FOXP1: variants seen among roughly 807,000 people sequenced by gnomAD.
FOXP1 encodes forkhead box P1.
A neutral mutation model predicts 98.2 loss-of-function variants in FOXP1; 15 were observed. That is an observed-to-expected ratio of 0.15 (90% CI 0.10 to 0.24). The LOEUF (loss-of-function observed/expected upper bound fraction) is 0.24, where lower values mean the gene tolerates loss of function less well. Among genes scored for constraint, FOXP1 ranks in the 10% least tolerant of loss-of-function variants. FOXP1 has a pLI of 1.00. For missense variants in FOXP1, 633 were observed against 848.5 expected (o/e 0.75, Z 3.15); for synonymous variants, 371 against 314.5 (o/e 1.18, Z -1.90).
intron 3 of FOXP1, among the ~76,000 whole-genome samples, chr3:71,478,925 G>A (rs908516405): frequency 2.0e-5 from 3 of 152,180 alleles, no homozygotes; most frequent in East Asian, 1.9e-4. Context: ...GTTGAAAGGA[G>A]GGGGGGAGGG....
At chr3:71,037,316 C>A (rs1009614689) in intron 11 of FOXP1, among the ~76,000 whole-genome samples, 1 of 152,082 alleles carries the variant, frequency 6.6e-6, no homozygotes, top group Non-Finnish European at 1.5e-5. Context: ...TGCTTTGATC[C>A]AAGAAGCTCA....
chr3:70,965,213 C>CCATCACCCACTCACAGGGG (rs1252090295), intron 20 of FOXP1, among the ~76,000 whole-genome samples: 1 of 152,194 alleles, frequency 6.6e-6, no homozygotes, highest in Non-Finnish European at 1.5e-5. Context: ...AAGTTCTCTC[C>CCATCACCCACTCACAGGGG]CATCACCCAC....
chr3:70,992,859 T>C (rs1417046515), intron 13 of FOXP1, among the ~76,000 whole-genome samples: 3 of 152,150 alleles, frequency 2.0e-5, no homozygotes, highest in Non-Finnish European at 4.4e-5. Flanking sequence ...CTCTTCTTTT[T>C]CTTGGCTCCA....
At chr3:71,135,949 G>GA (rs2059804677) in intron 6 of FOXP1, among the ~76,000 whole-genome samples, 1 of 152,154 alleles carries the variant, frequency 6.6e-6, no homozygotes, top group East Asian at 1.9e-4. Flanking sequence ...TTTGGAGAAA[G>GA]AAAATCTTCC....
intron 3 of FOXP1, among the ~76,000 whole-genome samples, chr3:71,363,698 T>C (rs2078728187): frequency 6.6e-6 from 1 of 152,212 alleles, no homozygotes; most frequent in South Asian, 2.1e-4. Context: ...GGTCAGTCTG[T>C]GGCAAAGACC....
intron 6 of FOXP1, among the ~76,000 whole-genome samples, chr3:71,131,403 CA>C (rs10681690): frequency 0.024 from 3,087 of 126,482 alleles, 119 homozygotes; most frequent in African/African-American, 0.087. Flanking sequence ...TATTCAATAA[CA>C]AAAAAAAAAA....
At chr3:71,308,813 G>GTGTGTGT (rs1560283357) in intron 4 of FOXP1, among the ~76,000 whole-genome samples, 1 of 145,958 alleles carries the variant, frequency 6.9e-6, no homozygotes, top group African/African-American at 2.5e-5. Context: ...GTGTGGGTGA[G>GTGTGTGT]GGGGGACAGC....
At chr3:71,374,489 A>G (rs1212375568) in intron 3 of FOXP1, among the ~76,000 whole-genome samples, 1 of 152,102 alleles carries the variant, frequency 6.6e-6, no homozygotes, top group African/African-American at 2.4e-5. Context: ...GCTACTTGGG[A>G]GGCTGAGGCA....
chr3:71,423,000 G>A (rs886697604), intron 3 of FOXP1, among the ~76,000 whole-genome samples: 1 of 152,070 alleles, frequency 6.6e-6, no homozygotes, highest in African/African-American at 2.4e-5. Flanking sequence ...ACTCATTCAG[G>A]AGCCAGGAAA....
intron 5 of FOXP1, among the ~76,000 whole-genome samples, chr3:71,252,072 A>G (rs956988710): frequency 6.6e-6 from 1 of 151,520 alleles, no homozygotes; most frequent in African/African-American, 2.5e-5. Flanking sequence ...GACTGAAAAG[A>G]TATAAGGGGA....
Position 71,123,864 on chromosome 3 carries a change from T to C in FOXP1, c.181-11227A>G, listed in dbSNP as rs148969235. Among the ~76,000 whole-genome samples the C allele has an allele frequency of 5.2e-3, 791 of 152,308 alleles. 10 individuals carry two copies. The highest frequency in any genetic ancestry group is 0.018 in the African/African-American group (759 of 41,558). On this transcript the variant is annotated intron_variant, in intron 6 of 20. Coordinates refer to ENST00000649528, the MANE Select transcript of FOXP1 (RefSeq NM_001349338.3). ...GGGGATAAGGAAGATAATTAAAAAT[T>C]GTAATGTTTTTAGTGTTTATTGCCA...
chr3:71,494,682 A>G (rs189592108), intron 2 of FOXP1, among the ~76,000 whole-genome samples: 36 of 152,324 alleles, frequency 2.4e-4, no homozygotes, highest in Admixed American at 1.0e-3. Context: ...GAGCATTTCA[A>G]AATACAGATT....
chr3:71,521,948 T>C (rs2043024273), intron 2 of FOXP1, among the ~76,000 whole-genome samples: 2 of 152,170 alleles, frequency 1.3e-5, no homozygotes, highest in South Asian at 4.1e-4. Flanking sequence ...CACCAAACTT[T>C]TTATGAAGCC....
At chr3:71,368,079 G>A (rs2079042911) in intron 3 of FOXP1, among the ~76,000 whole-genome samples, 1 of 152,174 alleles carries the variant, frequency 6.6e-6, no homozygotes, top group South Asian at 2.1e-4. Context: ...TCCTACAGAG[G>A]AAGACAGGCT....
At chr3:71,416,495 T>G (rs1433084231) in intron 3 of FOXP1, among the ~76,000 whole-genome samples, 1 of 151,236 alleles carries the variant, frequency 6.6e-6, no homozygotes, top group East Asian at 2.0e-4. Flanking sequence ...CAGGGAGCTA[T>G]GATTACACTA....
chr3:71,190,390 C>T (rs780748441), intron 6 of FOXP1, among the ~76,000 whole-genome samples: 3 of 151,654 alleles, frequency 2.0e-5, no homozygotes, highest in Admixed American at 2.0e-4. Context: ...GCAGGAGGAT[C>T]GCTTGAGCCC....
intron 5 of FOXP1, among the ~76,000 whole-genome samples, chr3:71,276,766 A>G (rs570186447): frequency 1.3e-5 from 2 of 152,220 alleles, no homozygotes; most frequent in South Asian, 4.2e-4. Context: ...AATGTTCAGT[A>G]TCCTCCTTCT....
intron 3 of FOXP1, among the ~76,000 whole-genome samples, chr3:71,412,702 A>T (rs2082845733): frequency 6.6e-6 from 1 of 152,126 alleles, no homozygotes; most frequent in South Asian, 2.1e-4. Flanking sequence ...AGTCCCAAGA[A>T]ACACTGGGCT....
chr3:71,229,608 A>G (rs2066120020), intron 5 of FOXP1, among the ~76,000 whole-genome samples: 2 of 152,128 alleles, frequency 1.3e-5, no homozygotes, highest in African/African-American at 4.8e-5. Flanking sequence ...GGTTCTCAAA[A>G]TCCACGTATT....
Sources: allele counts gnomAD v4.1 joint callset (sites outside exome capture counted in the v4.1 genomes callset), GRCh38; gene constraint gnomAD v4.1.1; transcripts MANE v1.5; gene names NCBI Gene and HGNC (gene_info 2026-07-23, HGNC 2026-07-21).